The following PFKFB3 variants were observed in gnomAD, a reference collection of about 807,000 sequenced individuals.
PFKFB3 encodes 6-phosphofructo-2-kinase/fructose-2,6-biphosphatase 3.
In PFKFB3, 33 loss-of-function variants were observed where a neutral mutation model predicts 68.0. The observed-to-expected ratio is 0.49, with a 90% CI of 0.37 to 0.65. The LOEUF (loss-of-function observed/expected upper bound fraction) is 0.65, where lower values mean the gene tolerates loss of function less well. Among genes scored for constraint, PFKFB3 ranks in the 30% least tolerant of loss-of-function variants. PFKFB3 has a pLI of 0.00. For missense variants in PFKFB3, 586 were observed against 712.2 expected (o/e 0.82, Z 2.02); for synonymous variants, 315 against 288.2 (o/e 1.09, Z -0.94).
the PFKFB3 span, among the ~76,000 whole-genome samples, chr10:6,280,888 C>T: frequency 0.55 from 82,474 of 150,362 alleles, 25,255 homozygotes; most frequent in Non-Finnish European, 0.71. Flanking sequence ...TTGTGAGATT[C>T]TGGTGCACCC....
Position 6,215,446 on chromosome 10 carries a change from CGGGGCT to C in PFKFB3, c.299+131_299+136del. On this transcript the variant is annotated intron_variant, in intron 3 of 14. Coordinates refer to ENST00000379775, the MANE Select transcript of PFKFB3 (RefSeq NM_004566.4). The surrounding 1 kb of genome is among the most constrained non-coding windows in gnomAD (Gnocchi z 4.3). Reference sequence around the variant, plus strand: ...GGGCTGTGGGAATAAGGCTGGGCTGCGGGGCTGCGGGTGTAAGGCTGGGCTGCGGGC... The same window carrying C: ...GGGCTGTGGGAATAAGGCTGGGCTGCGCGGGTGTAAGGCTGGGCTGCGGGC... 4.3e-6 allele frequency: 3 copies of C among 702,944 alleles called. No homozygotes were observed. The highest frequency in any genetic ancestry group is 7.5e-6 in the Non-Finnish European group (3 of 400,260). 43.5% of individuals were successfully genotyped at this position (702,944 alleles called of 1,614,324 possible). A position where few individuals can be genotyped will look rare whatever the true frequency, so the allele number is the denominator to read the frequency against.
intron 11 of PFKFB3, among the ~76,000 whole-genome samples, 182 bp from the exon 12 acceptor site, chr10:6,223,776 C>T (rs1264024033): frequency 6.6e-6 from 1 of 152,172 alleles, no homozygotes; most frequent in East Asian, 1.9e-4. Flanking sequence ...GCTACCACAC[C>T]CTGGCTAATT....
chr10:6,294,299 A>G, the PFKFB3 span: 2 of 480,978 alleles, frequency 4.2e-6, no homozygotes, highest in Non-Finnish European at 8.3e-6. Flanking sequence ...TAATAAAGAC[A>G]TACCTGAGAC....
At chr10:6,160,126 A>G (rs144482411) in intron 1 of PFKFB3, among the ~76,000 whole-genome samples, 259 of 152,304 alleles carry the variant, frequency 1.7e-3, no homozygotes, top group African/African-American at 5.8e-3. Context: ...ATATATACAT[A>G]ATAAAACTAT....
intron 1 of PFKFB3, among the ~76,000 whole-genome samples, chr10:6,177,309 G>A (rs1388979900): frequency 1.3e-5 from 2 of 151,918 alleles, no homozygotes; most frequent in African/African-American, 4.8e-5. Flanking sequence ...CTTACACATA[G>A]TAGAGGTCAA....
chr10:6,186,690 G>A (rs1032899927), intron 1 of PFKFB3, among the ~76,000 whole-genome samples: 40 of 152,234 alleles, frequency 2.6e-4, no homozygotes, highest in African/African-American at 8.9e-4. Flanking sequence ...TAGAGATGGG[G>A]TCTTGCTATG....
chr10:6,278,217 G>A, the PFKFB3 span, among the ~76,000 whole-genome samples: 4 of 151,948 alleles, frequency 2.6e-5, no homozygotes, highest in Non-Finnish European at 5.9e-5. Context: ...TGCCCGGCTA[G>A]TTTGTTCTTT....
intron 1 of PFKFB3, chr10:6,163,980 AAAT>A (rs1310060991): frequency 6.6e-6 from 1 of 152,308 alleles, no homozygotes; most frequent in Non-Finnish European, 1.5e-5. Flanking sequence ...GAGCGGCTGT[AAAT>A]AATACCCGAG....
rs35447462 is a variant in PFKFB3, at chr10:6,208,371, C to CTTTTTTTT, written c.76+5050_76+5057dup. ...ACAGGTGTAAGCCAGGGTACCTGGC[C>CTTTTTTTT]TTTTTTTTTTTTTTTTTTTTTTGCC... is the stretch of plus-strand genomic sequence containing the variant. On this transcript the variant is annotated intron_variant, in intron 1 of 14. Coordinates refer to ENST00000379775, the MANE Select transcript of PFKFB3 (RefSeq NM_004566.4). Among the ~76,000 whole-genome samples, 92 of 60,628 alleles carry CTTTTTTTT rather than the reference C, an allele frequency of 1.5e-3. 13 individuals are homozygous for CTTTTTTTT. The highest frequency in any genetic ancestry group is 8.2e-3 in the East Asian group (12 of 1,472). 39.8% of individuals were successfully genotyped at this position (60,628 alleles called of 152,430 possible).
At chr10:6,210,631 A>ATCTCCTGACCTCTTGATCCGCCCGCC (rs1355909907) in intron 1 of PFKFB3, among the ~76,000 whole-genome samples, 2 of 4,704 alleles carry the variant, frequency 4.3e-4, no homozygotes, top group East Asian at 2.0e-3. Flanking sequence ...GATAGTCTTG[A>ATCTCCTGACCTCTTGATCCGCCCGCC]TAGTGTTTTT....
the PFKFB3 span, among the ~76,000 whole-genome samples, chr10:6,272,824 G>A: frequency 1.3e-5 from 2 of 152,112 alleles, no homozygotes; most frequent in African/African-American, 2.4e-5. Context: ...TTCATTTCAG[G>A]TCTCTTGAGA....
the PFKFB3 span, among the ~76,000 whole-genome samples, chr10:6,314,508 C>A: frequency 5.2e-4 from 79 of 152,338 alleles, no homozygotes; most frequent in Middle Eastern, 3.4e-3. Context: ...ATCATGGCAT[C>A]TTTCCATAGT....
chr10:6,236,097 C>T (rs577854361), downstream of PFKFB3, among the ~76,000 whole-genome samples: 1 of 152,288 alleles, frequency 6.6e-6, no homozygotes, highest in East Asian at 1.9e-4. Flanking sequence ...TCATTCTATA[C>T]CCCTTCCCCG....
At chr10:6,227,759 A>G (rs1271001870) in intron 14 of PFKFB3, among the ~76,000 whole-genome samples, 1 of 152,192 alleles carries the variant, frequency 6.6e-6, no homozygotes, top group Non-Finnish European at 1.5e-5. Context: ...CAGTCTCCTT[A>G]GCTTTGCACA....
In PFKFB3 at chr10:6,183,070, C is replaced by G. The variant is rs377074047; in HGVS notation, c.17-30553C>G. Among the ~76,000 whole-genome samples the G allele has an allele frequency of 1.6e-4, 24 of 152,272 alleles. No individual in the cohort carries two copies. The East Asian group carries it at 3.9e-3, about 25-fold the overall frequency. On this transcript the variant is annotated intron_variant, in intron 1 of 14. Coordinates refer to the PFKFB3 transcript ENST00000379789. ...CCCAAACCTAGGAGACTTGGTCCTT[C>G]TGTGTCACACCTCTGTTCTCCCTGG...
intron 13 of PFKFB3, among the ~76,000 whole-genome samples, chr10:6,225,936 C>A (rs76717749): frequency 1.3e-5 from 2 of 152,160 alleles, no homozygotes; most frequent in Non-Finnish European, 2.9e-5. Flanking sequence ...TTGCAAGCAC[C>A]GTGTTTGTCT....
At chr10:6,196,057 G>A (rs1169305192) in intron 1 of PFKFB3, among the ~76,000 whole-genome samples, 1 of 152,050 alleles carries the variant, frequency 6.6e-6, no homozygotes, top group Non-Finnish European at 1.5e-5. Flanking sequence ...CGGGGGAGAG[G>A]GCGGGAGAGA....
chr10:6,205,541 C>T (rs755850646), intron 1 of PFKFB3, among the ~76,000 whole-genome samples: 3 of 151,818 alleles, frequency 2.0e-5, no homozygotes, highest in Non-Finnish European at 2.9e-5. Context: ...TACAGGCGCA[C>T]GCCGCCATGC....
At chr10:6,300,160 A>G in the PFKFB3 span, among the ~76,000 whole-genome samples, 147,596 of 151,646 alleles carry the variant, frequency 0.97, 71,958 homozygotes, top group East Asian at 1. Flanking sequence ...TCTTCGGGCG[A>G]GATGCGAGTC....
Sources: allele counts gnomAD v4.1 joint callset (sites outside exome capture counted in the v4.1 genomes callset), GRCh38; gene constraint gnomAD v4.1.1; non-coding constraint Gnocchi (gnomAD v3.1); transcripts MANE v1.5; gene names NCBI Gene and HGNC (gene_info 2026-07-23, HGNC 2026-07-21).